The following NHS variants were observed in gnomAD, a reference collection of about 807,000 sequenced individuals.
NHS encodes actin remodeling regulator NHS.
Under a neutral mutation model 72.5 loss-of-function variants are expected in NHS, and 5 were observed. The ratio of observed to expected loss-of-function variants is 0.07; its 90% CI spans 0.04 to 0.14. The LOEUF (loss-of-function observed/expected upper bound fraction) is 0.14, where lower values mean the gene tolerates loss of function less well. NHS is among the 10% of genes least tolerant of loss of function. NHS has a pLI of 1.00. For missense variants in NHS, 1,072 were observed against 1,355.7 expected, an observed-to-expected ratio of 0.79 and a Z score of 3.29; for synonymous variants, 464 against 547.7, an observed-to-expected ratio of 0.85 and a Z score of 2.13.
chrX:17,403,566 C>T (rs2064512998), intron 1 of NHS, among the ~76,000 whole-genome samples: 1 of 111,951 alleles, frequency 8.9e-6, no homozygotes, highest in South Asian at 3.8e-4. Context: ...GGAATAAACA[C>T]TAGAGCAACC....
chrX:17,393,339 A>C (rs2064454968), intron 1 of NHS, among the ~76,000 whole-genome samples: 1 of 112,205 alleles, frequency 8.9e-6, no homozygotes, highest in Admixed American at 9.5e-5. Context: ...AAAGATTATC[A>C]CTGATGTTTA....
rs141498458 is a variant in NHS at position 17,402,680 on chromosome X, T to C, written c.565+26358T>C. On this transcript the variant is annotated intron_variant, in intron 1 of 8. Transcript: ENST00000676302. The stretch of plus-strand genomic sequence containing the variant: ...GAAGTGACTGCTAATGAGTATGGAG[T>C]TTCTTTTAGGGGTGATGAAAATATT... Among the ~76,000 whole-genome samples, 304 of 111,429 alleles carry C rather than the reference T, an allele frequency of 2.7e-3. 2 individuals carry two copies. The highest frequency in any genetic ancestry group is 9.3e-3 in the African/African-American group (284 of 30,687).
At chrX:17,679,787 T>C (rs886580142) in intron 1 of NHS, among the ~76,000 whole-genome samples, 1 of 106,086 alleles carries the variant, frequency 9.4e-6, no homozygotes, top group Non-Finnish European at 1.9e-5. Flanking sequence ...GGAAAGGAGT[T>C]CAGATATTTC....
chrX:17,514,687 A>T lies in NHS; in HGVS notation c.565+138365A>T, dbSNP rs767085544. ...AGTTCTGTCCCTTTAGAGAACGTTG[A>T]CTAATACACCAGGGATGCTGCTAAA... is the stretch of plus-strand genomic sequence containing the variant. On this transcript the variant is annotated intron_variant, in intron 1 of 8. Transcript: ENST00000676302. Among the ~76,000 whole-genome samples the T allele has an allele frequency of 4.5e-5, 5 of 111,700 alleles. No homozygotes were observed. In the East Asian group the frequency reaches 1.4e-3, roughly 31 times the overall value.
chrX:17,693,810 A>G (rs1246792674), intron 3 of NHS, among the ~76,000 whole-genome samples: 2 of 112,880 alleles, frequency 1.8e-5, no homozygotes, highest in African/African-American at 3.2e-5. Flanking sequence ...AGGGCTTTCT[A>G]GTTCTTCAGA....
At chrX:17,557,648 T>A (rs1453707243) in intron 1 of NHS, among the ~76,000 whole-genome samples, 1 of 111,569 alleles carries the variant, frequency 9.0e-6, no homozygotes, top group African/African-American at 3.3e-5. Context: ...CTGGGTCCTC[T>A]GCTCCGGCTC....
chrX:17,537,521 C>G (rs866047148), intron 1 of NHS, among the ~76,000 whole-genome samples: 1 of 112,449 alleles, frequency 8.9e-6, no homozygotes, highest in Non-Finnish European at 1.9e-5. Context: ...TCTCAAAAAT[C>G]AGACACTTTG....
At chrX:17,422,991 C>T (rs1291698633) in intron 1 of NHS, among the ~76,000 whole-genome samples, 1 of 112,082 alleles carries the variant, frequency 8.9e-6, no homozygotes, top group Admixed American at 9.4e-5. Context: ...CAGTCTGAAT[C>T]TCCAAGTGAT....
intron 1 of NHS, among the ~76,000 whole-genome samples, chrX:17,452,376 C>T (rs1211412895): frequency 9.0e-6 from 1 of 111,589 alleles, no homozygotes; most frequent in East Asian, 2.8e-4. Flanking sequence ...GGAGGCTTTA[C>T]AGAGACAGGA....
chrX:17,431,121 G>T (rs1195946595), intron 1 of NHS, among the ~76,000 whole-genome samples: 1 of 111,800 alleles, frequency 8.9e-6, no homozygotes, highest in East Asian at 2.8e-4. Flanking sequence ...AACTTCTTAT[G>T]GGGTAGACAT....
At chrX:17,718,091 T>C (rs1357823749) in intron 3 of NHS, among the ~76,000 whole-genome samples, 2 of 111,026 alleles carry the variant, frequency 1.8e-5, no homozygotes, top group Admixed American at 9.6e-5. Flanking sequence ...ACGATTCTTC[T>C]AAGTCTATTA....
chrX:17,407,181 T>C (rs991314253), intron 1 of NHS, among the ~76,000 whole-genome samples: 5 of 112,144 alleles, frequency 4.5e-5, no homozygotes, highest in African/African-American at 1.6e-4. Context: ...ATCCTTTCTG[T>C]ATTAAAAGAT....
intron 1 of NHS, among the ~76,000 whole-genome samples, chrX:17,430,665 G>C (rs183932668): frequency 4.6e-4 from 51 of 110,992 alleles, no homozygotes; most frequent in African/African-American, 1.6e-3. Context: ...AACCACCGAT[G>C]TACTTTTTGT....
intron 3 of NHS, among the ~76,000 whole-genome samples, chrX:17,697,748 A>G (rs1442637614): frequency 8.9e-6 from 1 of 111,804 alleles, no homozygotes; most frequent in African/African-American, 3.2e-5. Context: ...TGATACAACT[A>G]AAAATGAGAG....
At chrX:17,644,330 C>CA (rs1345342819) in intron 1 of NHS, among the ~76,000 whole-genome samples, 1 of 111,919 alleles carries the variant, frequency 8.9e-6, no homozygotes, top group Non-Finnish European at 1.9e-5. Context: ...TCCAGTCATA[C>CA]AAAAAAATTG....
intron 1 of NHS, among the ~76,000 whole-genome samples, chrX:17,598,060 T>G (rs975727309): frequency 9.0e-6 from 1 of 111,689 alleles, no homozygotes; most frequent in East Asian, 2.8e-4. Flanking sequence ...AGGTTCTGAC[T>G]GGGAGCTAGA....
At chrX:17,411,893 G>A (rs893593069) in intron 1 of NHS, among the ~76,000 whole-genome samples, 5 of 111,457 alleles carry the variant, frequency 4.5e-5, no homozygotes, top group African/African-American at 1.6e-4. Flanking sequence ...TAAGGGGTAA[G>A]TGATTGTTTT....
chrX:17,471,928 A>C (rs1019223606), intron 1 of NHS, among the ~76,000 whole-genome samples: 21 of 111,449 alleles, frequency 1.9e-4, no homozygotes, highest in African/African-American at 5.5e-4. Context: ...AATTGATGGG[A>C]GCTCCATATC....
At chrX:17,545,331 C>T (rs1472206448) in intron 1 of NHS, among the ~76,000 whole-genome samples, 2 of 112,277 alleles carry the variant, frequency 1.8e-5, no homozygotes, top group African/African-American at 3.2e-5. Context: ...CCCATTTCAA[C>T]GTTTTCTGTT....
Sources: gnomAD v4.1 joint callset for allele counts (sites outside exome capture counted in the v4.1 genomes callset) on GRCh38, gnomAD v4.1.1 for gene constraint, MANE v1.5 for transcripts, NCBI Gene and HGNC (gene_info 2026-07-23, HGNC 2026-07-21) for gene names.